DCC: variants seen among roughly 807,000 people sequenced by gnomAD.
DCC encodes the protein netrin receptor DCC.
Under a neutral mutation model 172.5 loss-of-function variants are expected in DCC, and 58 were observed. The observed-to-expected ratio is 0.34, with a 90% CI of 0.27 to 0.42. The LOEUF (loss-of-function observed/expected upper bound fraction) is 0.42. Ranked by LOEUF, DCC falls within the 10% of genes least tolerant of loss-of-function variation. DCC has a pLI of 1.00. For synonymous variants in DCC, 709 were observed against 644.5 expected (o/e 1.10, Z -1.52); for missense variants, 1,740 against 1,791.0 (o/e 0.97, Z 0.51).
chr18:52,697,464 G>A (rs1291824562), intron 1 of DCC, among the ~76,000 whole-genome samples: 1 of 152,158 alleles, frequency 6.6e-6, no homozygotes, highest in Non-Finnish European at 1.5e-5. Flanking sequence ...TTCTTCCTGT[G>A]CCTCAGTTTT....
chr18:53,228,538 A>G (rs1598926173), intron 12 of DCC, among the ~76,000 whole-genome samples: 1 of 152,234 alleles, frequency 6.6e-6, no homozygotes, highest in Admixed American at 6.6e-5. Flanking sequence ...CTGGCATATG[A>G]TAACACCTGG....
At position 53,211,597 on chromosome 18, in the gene DCC, G is replaced by A. The variant is rs923176309; in HGVS notation, c.1861+3780G>A. On this transcript the variant is annotated intron_variant, in intron 11 of 28. Transcript: ENST00000442544. ...GAATTAGCTGGGCGTGGTGGCGGGCGCCTGTAGTCCCAGCTACTCGGGAGG... is the reference window on the plus strand; with the variant it reads ...GAATTAGCTGGGCGTGGTGGCGGGCACCTGTAGTCCCAGCTACTCGGGAGG... Among the ~76,000 whole-genome samples the A allele has an allele frequency of 5.9e-5, 9 of 152,130 alleles. No individual in the cohort carries two copies. In the East Asian group the frequency reaches 9.7e-4, roughly 16 times the overall value.
chr18:53,307,962 G>A (rs1276151862), intron 13 of DCC, among the ~76,000 whole-genome samples: 5 of 123,990 alleles, frequency 4.0e-5, no homozygotes, highest in Admixed American at 8.7e-5. Context: ...TATTTTATAC[G>A]AGGTATATAC....
At chr18:52,655,982 GTGTGTA>G (rs777214269) in intron 1 of DCC, among the ~76,000 whole-genome samples, 69 of 121,618 alleles carry the variant, frequency 5.7e-4, no homozygotes, top group African/African-American at 7.8e-4. Context: ...GTGTGTGTGT[GTGTGTA>G]TATATATATG....
At chr18:53,033,358 A>G (rs1277301554) in intron 5 of DCC, among the ~76,000 whole-genome samples, 2 of 152,130 alleles carry the variant, frequency 1.3e-5, no homozygotes, top group African/African-American at 2.4e-5. Context: ...ATCTAACACC[A>G]CTTGATTTCC....
chr18:53,398,217 T>C lies in DCC; in HGVS notation c.2827+771T>C, dbSNP rs550661931. Among the ~76,000 whole-genome samples the C allele has an allele frequency of 3.3e-5, 5 of 152,272 alleles. No homozygotes were observed. In the East Asian group the frequency reaches 5.8e-4, roughly 18 times the overall value. On this transcript the variant is annotated intron_variant, in intron 18 of 28. Coordinates refer to ENST00000442544, the MANE Select transcript of DCC (RefSeq NM_005215.4). ...TTTTCAAATTTTAAAAAAATGCTAATAAAGCTGTTTCCTGGGTAAGTTGAA... is the reference window on the plus strand; with the variant it reads ...TTTTCAAATTTTAAAAAAATGCTAACAAAGCTGTTTCCTGGGTAAGTTGAA...
At chr18:52,895,863 C>T (rs945147071) in intron 2 of DCC, among the ~76,000 whole-genome samples, 2 of 152,076 alleles carry the variant, frequency 1.3e-5, no homozygotes, top group Non-Finnish European at 1.5e-5. Flanking sequence ...TGGCTTATGG[C>T]AATCTCGGCC....
chr18:52,499,772 C>G (rs6508144), intron 1 of DCC, among the ~76,000 whole-genome samples: 86,886 of 151,844 alleles, frequency 0.57, 25,005 homozygotes, highest in East Asian at 0.65. Context: ...TTTTTAATGA[C>G]TACCCACACA....
intron 23 of DCC, among the ~76,000 whole-genome samples, chr18:53,457,482 C>T (rs1382205408): frequency 6.6e-6 from 1 of 152,158 alleles, no homozygotes; most frequent in Non-Finnish European, 1.5e-5. Context: ...ACTGGTACTT[C>T]TCTGTGTGCA....
intron 5 of DCC, among the ~76,000 whole-genome samples, chr18:52,975,625 C>T (rs1043865831): frequency 6.6e-6 from 1 of 152,066 alleles, no homozygotes; most frequent in Admixed American, 6.6e-5. Context: ...GTTTTCTGTT[C>T]CTGTGTTAGT....
chr18:53,382,631 G>T (rs1416110801), intron 15 of DCC, among the ~76,000 whole-genome samples: 1 of 152,078 alleles, frequency 6.6e-6, no homozygotes, highest in Non-Finnish European at 1.5e-5. Context: ...TAACCTGACA[G>T]AAATTCATCT....
chr18:52,878,927 C>T lies in DCC; in HGVS notation c.413-27117C>T, dbSNP rs534850322. Among the ~76,000 whole-genome samples, 21 of 152,184 alleles carry T rather than the reference C, an allele frequency of 1.4e-4. No homozygotes were observed. The South Asian group carries it at 4.4e-3, about 32-fold the overall frequency. On this transcript the variant is annotated intron_variant, in intron 2 of 28. Transcript: ENST00000442544. ...ATGGGTGTAGAACTTCTAAAACACA[C>T]CCGGGCACAAAGTTATCACTTTATA...
intron 5 of DCC, among the ~76,000 whole-genome samples, chr18:53,025,842 C>T (rs973949429): frequency 5.6e-5 from 8 of 142,936 alleles, no homozygotes; most frequent in African/African-American, 2.1e-4. Flanking sequence ...ATAAAACTTC[C>T]ATATCTGAGG....
At chr18:53,216,476 C>G (rs942393145) in intron 12 of DCC, among the ~76,000 whole-genome samples, 8 of 152,264 alleles carry the variant, frequency 5.3e-5, no homozygotes, top group African/African-American at 1.9e-4. Flanking sequence ...TTGGTCTTAG[C>G]AAAGTTTTCA....
At chr18:52,749,568 A>G (rs1434415093) in intron 1 of DCC, among the ~76,000 whole-genome samples, 1 of 152,252 alleles carries the variant, frequency 6.6e-6, no homozygotes, top group Non-Finnish European at 1.5e-5. Flanking sequence ...TTCAAAATAT[A>G]ATTGTTATAA....
intron 1 of DCC, among the ~76,000 whole-genome samples, chr18:52,715,378 C>A (rs890141475): frequency 1.3e-5 from 2 of 150,078 alleles, no homozygotes; most frequent in Non-Finnish European, 3.0e-5. Context: ...CAGCTCACTG[C>A]AACCTCCACC....
chr18:53,139,433 C>A (rs183693964), intron 7 of DCC, among the ~76,000 whole-genome samples: 4 of 152,268 alleles, frequency 2.6e-5, no homozygotes, highest in African/African-American at 9.6e-5. Flanking sequence ...CAATGTCATG[C>A]ACTGGTAAAA....
intron 13 of DCC, among the ~76,000 whole-genome samples, chr18:53,305,938 T>G (rs2057195458): frequency 6.6e-6 from 1 of 152,216 alleles, no homozygotes; most frequent in Admixed American, 6.5e-5. Flanking sequence ...TTAATACATG[T>G]ATCATAAAAT....
At chr18:52,952,391 C>T (rs981089604) in intron 5 of DCC, among the ~76,000 whole-genome samples, 6 of 152,150 alleles carry the variant, frequency 3.9e-5, no homozygotes, top group African/African-American at 1.4e-4. Context: ...ATTTAACAAT[C>T]TACACTTGGA....
Sources: gnomAD v4.1 joint callset for allele counts (sites outside exome capture counted in the v4.1 genomes callset) on GRCh38, gnomAD v4.1.1 for gene constraint, MANE v1.5 for transcripts, NCBI Gene and HGNC (gene_info 2026-07-23, HGNC 2026-07-21) for gene names.